The following GRM7 variants were observed in gnomAD, a reference collection of about 807,000 sequenced individuals.
The protein encoded by GRM7 is metabotropic glutamate receptor 7.
In GRM7, 35 loss-of-function variants were observed where a neutral mutation model predicts 84.5. The ratio of observed to expected loss-of-function variants is 0.41; its 90% confidence interval spans 0.32 to 0.55. GRM7 has a LOEUF of 0.55. Among genes scored for constraint, GRM7 ranks in the 20% least tolerant of loss-of-function variants. The pLI is 0.19. For synonymous variants in GRM7, 487 were observed against 455.1 expected, an observed-to-expected ratio of 1.07 and a Z score of -0.89; for missense variants, 1,003 against 1,194.6, an observed-to-expected ratio of 0.84 and a Z score of 2.36.
chr3:6,987,745 C>T (rs1221393394), intron 1 of GRM7, among the ~76,000 whole-genome samples: 2 of 152,138 alleles, frequency 1.3e-5, no homozygotes, highest in Non-Finnish European at 2.9e-5. Flanking sequence ...TAAGAGGTCA[C>T]AGTGGCTGCT....
At chr3:6,944,765 C>A (rs1292371505) in intron 1 of GRM7, among the ~76,000 whole-genome samples, 1 of 152,060 alleles carries the variant, frequency 6.6e-6, no homozygotes, top group East Asian at 1.9e-4. Context: ...TTCTGTCTTA[C>A]TTATTTGGTA....
intron 1 of GRM7, among the ~76,000 whole-genome samples, chr3:7,019,963 A>G (rs1419395086): frequency 6.6e-6 from 1 of 152,184 alleles, no homozygotes; most frequent in Non-Finnish European, 1.5e-5. Flanking sequence ...GAAGTCCGCA[A>G]AGGAAAAATA....
chr3:7,477,255 C>T (rs1398282365), intron 7 of GRM7, among the ~76,000 whole-genome samples: 2 of 152,008 alleles, frequency 1.3e-5, no homozygotes, highest in African/African-American at 4.8e-5. Flanking sequence ...TACTCAGCTG[C>T]CTAGGGTGCA....
At chr3:7,277,291 A>C (rs1699107928) in intron 2 of GRM7, among the ~76,000 whole-genome samples, 1 of 152,084 alleles carries the variant, frequency 6.6e-6, no homozygotes, top group Non-Finnish European at 1.5e-5. Context: ...GACTAACGTA[A>C]GATTAATAAT....
intron 2 of GRM7, among the ~76,000 whole-genome samples, chr3:7,157,614 T>C (rs1399339441): frequency 1.3e-5 from 2 of 152,180 alleles, no homozygotes; most frequent in African/African-American, 4.8e-5. Context: ...AATGTAATTT[T>C]CCAAGATTTA....
chr3:7,525,825 G>A (rs932558131), intron 7 of GRM7, among the ~76,000 whole-genome samples: 1 of 151,000 alleles, frequency 6.6e-6, no homozygotes, highest in African/African-American at 2.4e-5. Flanking sequence ...TTTTATTTCT[G>A]TATTGATTCA....
At chr3:6,967,892 G>A (rs535096012) in intron 1 of GRM7, among the ~76,000 whole-genome samples, 1 of 152,140 alleles carries the variant, frequency 6.6e-6, no homozygotes, top group East Asian at 1.9e-4. Flanking sequence ...CTGGGGTGTG[G>A]AGAGGAGGAG....
At chr3:7,433,039 T>G (rs1267952764) in intron 5 of GRM7, among the ~76,000 whole-genome samples, 3 of 151,896 alleles carry the variant, frequency 2.0e-5, no homozygotes, top group Non-Finnish European at 4.4e-5. Context: ...CCAACCAGAA[T>G]TAAAAAATAA....
chr3:7,241,639 T>G (rs1395441664), intron 2 of GRM7, among the ~76,000 whole-genome samples: 1 of 151,984 alleles, frequency 6.6e-6, no homozygotes, highest in Non-Finnish European at 1.5e-5. Context: ...GGTGAGCTGA[T>G]GAGTACAGAA....
At chr3:7,726,810 T>G (rs1702148935) in intron 9 of GRM7, among the ~76,000 whole-genome samples, 1 of 150,854 alleles carries the variant, frequency 6.6e-6, no homozygotes, top group Non-Finnish European at 1.5e-5. Context: ...AATATTGATG[T>G]ATTATTATTT....
At position 7,688,397 on chromosome 3, in the gene GRM7, T is replaced by G. The variant is rs565086535; in HGVS notation, c.2698+8102T>G. Among the ~76,000 whole-genome samples, 35 of 152,154 alleles carry G rather than the reference T, an allele frequency of 2.3e-4. 1 individual carries two copies. The highest frequency in any genetic ancestry group is 8.0e-4 in the African/African-American group (33 of 41,506). ...TCAATATCATAGGGCTTTTATTAGTTTATTATTCTATTTCTTCCCATCTTT... is the reference window on the plus strand; with the variant it reads ...TCAATATCATAGGGCTTTTATTAGTGTATTATTCTATTTCTTCCCATCTTT... On this transcript the variant is annotated intron_variant, in intron 9 of 9. Transcript: ENST00000357716.
intron 9 of GRM7, among the ~76,000 whole-genome samples, chr3:7,682,627 A>G (rs1700423754): frequency 6.6e-6 from 1 of 151,944 alleles, no homozygotes; most frequent in South Asian, 2.1e-4. Context: ...GGAGGGCTAT[A>G]TTTACTGGGG....
intron 1 of GRM7, among the ~76,000 whole-genome samples, chr3:6,982,114 C>T (rs1694230292): frequency 6.6e-6 from 1 of 152,126 alleles, no homozygotes; most frequent in Non-Finnish European, 1.5e-5. Context: ...ACTACACAGC[C>T]ATAAAAAAGA....
At chr3:7,694,551 A>G (rs1184079849) in intron 9 of GRM7, 1 of 176,426 alleles carries the variant, frequency 5.7e-6, no homozygotes, top group African/African-American at 2.4e-5. Context: ...TCTTCAACCT[A>G]TTTAGTACTG....
rs139080887 is a variant in GRM7 at position 6,958,077 on chromosome 3, A to ATGTGTGTG, written c.519+96182_519+96189dup. ...ACACACTATTTCATTATGTGTATATATGTGTGTGTGTGTGTGTGTATATAT... is the reference window on the plus strand; with the variant it reads ...ACACACTATTTCATTATGTGTATATATGTGTGTGTGTGTGTGTGTGTGTGTGTATATAT... On this transcript the variant is annotated intron_variant, in intron 1 of 9. Coordinates refer to ENST00000357716, the MANE Select transcript of GRM7 (RefSeq NM_000844.4). Among the ~76,000 whole-genome samples, 152 of 150,782 alleles carry ATGTGTGTG rather than the reference A, an allele frequency of 1.0e-3. 1 individual carries two copies. The highest frequency in any genetic ancestry group is 1.9e-3 in the Non-Finnish European group (130 of 67,608).
chr3:7,513,644 G>T (rs147850990), intron 7 of GRM7, among the ~76,000 whole-genome samples: 28 of 152,212 alleles, frequency 1.8e-4, no homozygotes, highest in Middle Eastern at 3.4e-3. Flanking sequence ...AAATGCTTGA[G>T]GTGATGGGTA....
At chr3:7,165,823 T>C (rs958091047) in intron 2 of GRM7, among the ~76,000 whole-genome samples, 1 of 152,260 alleles carries the variant, frequency 6.6e-6, no homozygotes, top group Non-Finnish European at 1.5e-5. Flanking sequence ...ATCATTTGCA[T>C]TCTAATAACA....
chr3:7,375,305 GC>G lies in GRM7; in HGVS notation c.1034-39716del, dbSNP rs1694302533. On this transcript the variant is annotated intron_variant, in intron 4 of 9. Coordinates refer to ENST00000357716, the MANE Select transcript of GRM7 (RefSeq NM_000844.4). ...ATGATCTCGGCTCACCGCAACCTCT[GC>G]CTCCCAGGTTCAAGCTATTCTCCTG... 4.2e-5 allele frequency among the ~76,000 whole-genome samples: 6 copies of G among 143,602 alleles called. No individual in the cohort carries two copies. The South Asian group carries it at 1.3e-3, about 31-fold the overall frequency. The allele number at this position is 143,602 out of a possible 152,430, so 94.2% of individuals were successfully genotyped here. A position where few individuals can be genotyped will look rare whatever the true frequency, so the allele number is the denominator to read the frequency against.
At chr3:7,228,296 C>T (rs886595646) in intron 2 of GRM7, among the ~76,000 whole-genome samples, 2 of 151,962 alleles carry the variant, frequency 1.3e-5, no homozygotes, top group South Asian at 2.1e-4. Flanking sequence ...GGTAAACGGC[C>T]GTTTATTTTT....
Sources: allele counts gnomAD v4.1 joint callset (sites outside exome capture counted in the v4.1 genomes callset), GRCh38; gene constraint gnomAD v4.1.1; transcripts MANE v1.5; gene names NCBI Gene and HGNC (gene_info 2026-07-23, HGNC 2026-07-21).